The following NRXN1 variants were observed in gnomAD, a reference collection of about 807,000 sequenced individuals.
NRXN1 encodes the protein neurexin 1.
In NRXN1, 39 loss-of-function variants were observed where a neutral mutation model predicts 150.9. The ratio of observed to expected loss-of-function variants is 0.26; its 90% CI spans 0.20 to 0.34. The LOEUF (loss-of-function observed/expected upper bound fraction) is 0.34, where lower values mean the gene tolerates loss of function less well. Ranked by LOEUF, NRXN1 falls within the 10% of genes least tolerant of loss-of-function variation. NRXN1 has a pLI of 1.00. For missense variants in NRXN1, 1,815 were observed against 1,949.9 expected, an observed-to-expected ratio of 0.93 and a Z score of 1.30; for synonymous variants, 924 against 757.0, an observed-to-expected ratio of 1.22 and a Z score of -3.62.
intron 18 of NRXN1, among the ~76,000 whole-genome samples, chr2:50,182,056 C>A (rs571631495): frequency 6.6e-6 from 1 of 150,534 alleles, no homozygotes; most frequent in South Asian, 2.1e-4. Context: ...CCTTCACATT[C>A]CTAATTATTT....
chr2:50,727,624 A>G (rs764479670), intron 5 of NRXN1, among the ~76,000 whole-genome samples: 9 of 152,308 alleles, frequency 5.9e-5, no homozygotes, highest in Non-Finnish European at 1.2e-4. Flanking sequence ...TTTCAAGTAC[A>G]GGGTACACAT....
intron 5 of NRXN1, among the ~76,000 whole-genome samples, chr2:50,678,641 C>G (rs1402973414): frequency 6.6e-6 from 1 of 152,136 alleles, no homozygotes; most frequent in East Asian, 1.9e-4. Flanking sequence ...TTCTCCAGAT[C>G]TTTTCAATCA....
chr2:50,801,034 T>G (rs1216338993), intron 5 of NRXN1, among the ~76,000 whole-genome samples: 1 of 152,202 alleles, frequency 6.6e-6, no homozygotes, highest in Non-Finnish European at 1.5e-5. Flanking sequence ...TTAAACTAAT[T>G]TAATTGCATA....
At chr2:50,674,248 G>A (rs753847899) in intron 5 of NRXN1, among the ~76,000 whole-genome samples, 8 of 152,058 alleles carry the variant, frequency 5.3e-5, no homozygotes, top group East Asian at 1.9e-4. Flanking sequence ...AGTCATTCTC[G>A]TTAGATAACA....
intron 2 of NRXN1, among the ~76,000 whole-genome samples, chr2:50,951,318 T>A (rs953103256): frequency 6.6e-6 from 1 of 152,110 alleles, no homozygotes; most frequent in Non-Finnish European, 1.5e-5. Flanking sequence ...TGTGCTGACC[T>A]TTAGTGGGTA....
chr2:49,944,033 C>G (rs1023228778), intron 21 of NRXN1, among the ~76,000 whole-genome samples: 2 of 152,164 alleles, frequency 1.3e-5, no homozygotes, highest in African/African-American at 2.4e-5. Context: ...CTTGTAGATA[C>G]CCATCCACTC....
rs77711715 is a variant in NRXN1 at position 50,567,247 on chromosome 2, A to G, written c.1321-14222T>C. Among the ~76,000 whole-genome samples the G allele has an allele frequency of 7.3e-4, 111 of 152,310 alleles. 2 individuals carry two copies. The East Asian group carries it at 0.019, about 26-fold the overall frequency. On this transcript the variant is annotated intron_variant, in intron 8 of 22. Coordinates refer to ENST00000401669, the MANE Select transcript of NRXN1 (RefSeq NM_001330078.2). ...ACTGGAGAATAAAGAATGAGGTTTA[A>G]CACTAGGATGAATAACATTCAACAC... is the stretch of plus-strand genomic sequence containing the variant.
At chr2:50,227,208 T>G (rs1458195968) in intron 18 of NRXN1, among the ~76,000 whole-genome samples, 1 of 152,030 alleles carries the variant, frequency 6.6e-6, no homozygotes, top group Non-Finnish European at 1.5e-5. Flanking sequence ...TGCCAATTTT[T>G]TCCAGACGTT....
chr2:50,800,486 A>G (rs1308173736), intron 5 of NRXN1, among the ~76,000 whole-genome samples: 2 of 152,210 alleles, frequency 1.3e-5, no homozygotes, highest in African/African-American at 4.8e-5. Context: ...GGCCAAGTCA[A>G]TGAGTTGCTA....
chr2:50,157,432 A>G (rs1306090807), intron 18 of NRXN1, among the ~76,000 whole-genome samples: 1 of 152,072 alleles, frequency 6.6e-6, no homozygotes, highest in Non-Finnish European at 1.5e-5. Context: ...TACACATTAC[A>G]TATTATTCCA....
At chr2:50,474,022 G>A (rs1374055679) in intron 15 of NRXN1, among the ~76,000 whole-genome samples, 1 of 150,690 alleles carries the variant, frequency 6.6e-6, no homozygotes, top group Non-Finnish European at 1.5e-5. Flanking sequence ...TGCATTGAAA[G>A]TACTGGATGT....
At chr2:51,005,684 C>G (rs1371428723) in intron 2 of NRXN1, among the ~76,000 whole-genome samples, 1 of 151,528 alleles carries the variant, frequency 6.6e-6, no homozygotes, top group Non-Finnish European at 1.5e-5. Flanking sequence ...AGAGAATCAC[C>G]CAATTGCAAA....
chr2:50,149,506 A>C (rs1403988470), intron 18 of NRXN1, among the ~76,000 whole-genome samples: 1 of 151,734 alleles, frequency 6.6e-6, no homozygotes, highest in Non-Finnish European at 1.5e-5. Context: ...TGTCAATGTG[A>C]CTATGATGGA....
chr2:51,008,782 G>A (rs960024007), intron 2 of NRXN1, among the ~76,000 whole-genome samples: 2 of 151,232 alleles, frequency 1.3e-5, no homozygotes, highest in African/African-American at 4.8e-5. Context: ...ATGTTTTCTT[G>A]GAATGTTTTT....
chr2:49,927,785 A>T (rs982508566), intron 22 of NRXN1, among the ~76,000 whole-genome samples: 1 of 152,150 alleles, frequency 6.6e-6, no homozygotes, highest in African/African-American at 2.4e-5. Context: ...GCATGCCATC[A>T]GATGGTCTTT....
At chr2:50,800,703 C>G (rs1048337051) in intron 5 of NRXN1, among the ~76,000 whole-genome samples, 1 of 152,104 alleles carries the variant, frequency 6.6e-6, no homozygotes, top group African/African-American at 2.4e-5. Context: ...GCATGCACCA[C>G]CACGCCTAGC....
At chr2:50,691,844 G>C (rs1574118792) in intron 5 of NRXN1, among the ~76,000 whole-genome samples, 1 of 152,100 alleles carries the variant, frequency 6.6e-6, no homozygotes, top group African/African-American at 2.4e-5. Context: ...TAAAACTGTA[G>C]CCCAACAGCT....
chr2:50,377,373 G>A (rs2153025661), intron 17 of NRXN1, among the ~76,000 whole-genome samples: 1 of 152,164 alleles, frequency 6.6e-6, no homozygotes, highest in South Asian at 2.1e-4. Context: ...CTGTGTTACT[G>A]TGCTGAGGAT....
Position 50,259,529 on chromosome 2 carries a change from T to C in NRXN1, c.3365-22559A>G, listed in dbSNP as rs148977696. On this transcript the variant is annotated intron_variant, in intron 17 of 22. Coordinates refer to ENST00000401669, the MANE Select transcript of NRXN1 (RefSeq NM_001330078.2). ...AGACTTTTTTTTAGTATCCTGCTAA[T>C]TAATCAAGTAAATAATTAAGAAGAC... Among the ~76,000 whole-genome samples, 668 of 152,018 alleles carry C rather than the reference T, an allele frequency of 4.4e-3. 7 individuals carry two copies. The highest frequency in any genetic ancestry group is 0.016 in the African/African-American group (653 of 41,552).
Sources: allele counts gnomAD v4.1 joint callset (sites outside exome capture counted in the v4.1 genomes callset), GRCh38; gene constraint gnomAD v4.1.1; transcripts MANE v1.5; gene names NCBI Gene and HGNC (gene_info 2026-07-23, HGNC 2026-07-21).